Variants in CEP128 observed in about 807,000 individuals in gnomAD.
CEP128 encodes centrosomal protein 128kDa.
A neutral mutation model predicts 156.7 loss-of-function variants in CEP128; 132 were observed. That is an observed-to-expected ratio of 0.84 (90% CI 0.73 to 0.97). The LOEUF is 0.97. Ranked by LOEUF, CEP128 falls within the 50% of genes least tolerant of loss-of-function variation. The pLI is 0.00. For missense variants in CEP128, 1,252 were observed against 1,281.9 expected (o/e 0.98, Z 0.36); for synonymous variants, 469 against 448.9 (o/e 1.04, Z -0.57).
chr14:80,946,423 G>A (rs951712125), upstream of CEP128, among the ~76,000 whole-genome samples: 2 of 143,402 alleles, frequency 1.4e-5, no homozygotes. Flanking sequence ...GATTAGTTCT[G>A]TTGATTGAAA....
intron 8 of CEP128, among the ~76,000 whole-genome samples, chr14:80,894,305 A>G (rs542429970): frequency 1.2e-4 from 18 of 152,134 alleles, no homozygotes; most frequent in African/African-American, 4.3e-4. Flanking sequence ...ATTACTTAGT[A>G]AGTTAAAGAG....
Position 80,648,228 on chromosome 14 carries a change from T to G in CEP128, c.2807-67805A>C, listed in dbSNP as rs564525810. Among the ~76,000 whole-genome samples, 7 of 152,228 alleles carry G rather than the reference T, an allele frequency of 4.6e-5. No individual in the cohort carries two copies. In the East Asian group the frequency reaches 9.7e-4, roughly 21 times the overall value. On this transcript the variant is annotated intron_variant, in intron 19 of 24. Transcript: ENST00000555265. ...AGTTGGAGTTTAAGCAAAAGTATCT[T>G]TCTACCTCTTTTCTGGGGATCTTTG... is the stretch of plus-strand genomic sequence containing the variant.
At chr14:80,778,075 A>T (rs748947503) in intron 15 of CEP128, 29 bp from the exon 16 acceptor site, 2 of 1,604,706 alleles carry the variant, frequency 1.2e-6, no homozygotes, top group African/African-American at 2.7e-5. Flanking sequence ...AAAAACAGAA[A>T]GTCCACTAGC....
chr14:80,825,203 T>C (rs1220981080), intron 13 of CEP128, among the ~76,000 whole-genome samples: 1 of 152,180 alleles, frequency 6.6e-6, no homozygotes, highest in East Asian at 1.9e-4. Flanking sequence ...GAGATTTCGG[T>C]GGGGACACAG....
At chr14:80,621,664 T>A (rs1365747019) in intron 19 of CEP128, among the ~76,000 whole-genome samples, 1 of 152,208 alleles carries the variant, frequency 6.6e-6, no homozygotes, top group African/African-American at 2.4e-5. Context: ...TTGAAAATCA[T>A]TAGCTTTCTT....
At chr14:80,852,280 A>C (rs2140122037) in intron 9 of CEP128, among the ~76,000 whole-genome samples, 1 of 152,126 alleles carries the variant, frequency 6.6e-6, no homozygotes, top group Non-Finnish European at 1.5e-5. Flanking sequence ...GCACACATAT[A>C]TCTCTGAAAA....
intron 19 of CEP128, among the ~76,000 whole-genome samples, chr14:80,590,252 G>A (rs917042932): frequency 8.5e-5 from 13 of 152,216 alleles, no homozygotes; most frequent in Non-Finnish European, 4.4e-5. Flanking sequence ...TTGGATTGAA[G>A]AACCTATGTG....
chr14:80,875,382 T>C (rs2139283322), intron 8 of CEP128, among the ~76,000 whole-genome samples: 1 of 152,338 alleles, frequency 6.6e-6, no homozygotes, highest in South Asian at 2.1e-4. Context: ...AATTATCTAT[T>C]CAAATTTTGT....
At chr14:80,745,236 C>T (rs999949617) in intron 18 of CEP128, among the ~76,000 whole-genome samples, 1 of 152,016 alleles carries the variant, frequency 6.6e-6, no homozygotes, top group African/African-American at 2.4e-5. Context: ...CATGTGAAGA[C>T]AAGACATGCT....
chr14:80,610,742 T>C lies in CEP128; in HGVS notation c.2807-30319A>G, dbSNP rs377601865. Among the ~76,000 whole-genome samples the C allele has an allele frequency of 5.3e-5, 8 of 152,184 alleles. No individual in the cohort carries two copies. In the East Asian group the frequency reaches 1.3e-3, roughly 26 times the overall value. On this transcript the variant is annotated intron_variant, in intron 19 of 24. Transcript: ENST00000555265. ...GTGCAAAATGACTTATGCATGTTAT[T>C]ATTCACTGCAGTGTTACAGCAAAAA...
rs1242495823 is a variant in CEP128 at position 80,743,125 on chromosome 14, T to G, written c.2756A>C (p.Gln919Pro). The G allele has an allele frequency of 6.2e-7, 1 of 1,613,820 alleles. No homozygotes were observed. Among genetic ancestry groups the G allele is most frequent in the South Asian group, 1.1e-5 (1 of 91,074 alleles). The stretch of plus-strand genomic sequence containing the variant: ...CAGAAGCTGCTCCTGCCTTTCTATC[T>G]GTTGAAAGAGACACTGCAACTCAGA... ...KESELQCLFQQIERQEQLLDE... is the reference protein window; with the variant it reads ...KESELQCLFQPIERQEQLLDE... Residue 919 changes from glutamine to proline, a missense_variant, in exon 19 of 25, where the codon CAG becomes CCG. Physicochemically the swap from Gln to Pro is moderately conservative, Grantham distance 76 (BLOSUM62 -1). Coordinates refer to ENST00000555265, the MANE Select transcript of CEP128 (RefSeq NM_152446.5).
At chr14:80,781,470 A>C (rs1200787618) in intron 15 of CEP128, among the ~76,000 whole-genome samples, 3 of 151,966 alleles carry the variant, frequency 2.0e-5, no homozygotes, top group African/African-American at 7.2e-5. Context: ...AAAAAAAAAA[A>C]AAAAAGTAAT....
intron 19 of CEP128, among the ~76,000 whole-genome samples, chr14:80,651,351 T>A (rs980895278): frequency 6.6e-6 from 1 of 152,176 alleles, no homozygotes; most frequent in Non-Finnish European, 1.5e-5. Context: ...ATTTTGGTGA[T>A]CTTTTCAAAA....
chr14:80,857,692 G>C (rs1362140953), intron 9 of CEP128, among the ~76,000 whole-genome samples: 1 of 147,938 alleles, frequency 6.8e-6, no homozygotes, highest in African/African-American at 2.5e-5. Flanking sequence ...AGTGAGCCGA[G>C]ATCATGCTGC....
intron 2 of CEP128, among the ~76,000 whole-genome samples, chr14:80,918,667 ATT>A (rs1481546907): frequency 6.6e-6 from 1 of 152,180 alleles, no homozygotes; most frequent in African/African-American, 2.4e-5. Context: ...AATCTTAACA[ATT>A]AACAAAAAGT....
At chr14:80,814,481 G>T (rs1046851336) in intron 13 of CEP128, among the ~76,000 whole-genome samples, 1 of 88,080 alleles carries the variant, frequency 1.1e-5, no homozygotes, top group African/African-American at 4.9e-5. Flanking sequence ...CCATTATTTG[G>T]TTAAAAAAAA....
intron 17 of CEP128, among the ~76,000 whole-genome samples, chr14:80,759,827 A>G (rs1265707534): frequency 6.6e-6 from 1 of 152,084 alleles, no homozygotes; most frequent in Non-Finnish European, 1.5e-5. Context: ...GCAATCTGCT[A>G]TCTGCACATC....
chr14:80,651,287 T>C (rs1894893016), intron 19 of CEP128, among the ~76,000 whole-genome samples: 1 of 152,122 alleles, frequency 6.6e-6, no homozygotes, highest in Non-Finnish European at 1.5e-5. Flanking sequence ...TTTTATTGCA[T>C]CTATATGGTT....
chr14:80,835,776 G>A (rs936275058), intron 12 of CEP128, among the ~76,000 whole-genome samples: 7 of 151,906 alleles, frequency 4.6e-5, no homozygotes, highest in Admixed American at 6.6e-5. Context: ...AACTCCAGAC[G>A]ACAAAAAAGA....
Sources: gnomAD v4.1 joint callset for allele counts (sites outside exome capture counted in the v4.1 genomes callset) on GRCh38, gnomAD v4.1.1 for gene constraint, MANE v1.5 for transcripts, NCBI Gene and HGNC (gene_info 2026-07-23, HGNC 2026-07-21) for gene names.